The following PARD3 variants were observed in gnomAD, a reference collection of about 807,000 sequenced individuals.
PARD3 encodes the protein par-3 family cell polarity regulator, also known as partitioning defective 3 homolog.
Under a neutral mutation model 155.4 loss-of-function variants are expected in PARD3, and 75 were observed. The observed-to-expected ratio is 0.48, with a 90% CI of 0.40 to 0.58. The LOEUF (loss-of-function observed/expected upper bound fraction) is 0.58. Among genes scored for constraint, PARD3 ranks in the 20% least tolerant of loss-of-function variants. The pLI is 0.00. For missense variants in PARD3, 1,642 were observed against 1,721.7 expected (o/e 0.95, Z 0.82); for synonymous variants, 576 against 610.5 (o/e 0.94, Z 0.83).
intron 1 of PARD3, among the ~76,000 whole-genome samples, chr10:34,736,330 CTTTT>C (rs564413627): frequency 1.6e-5 from 2 of 128,406 alleles, no homozygotes; most frequent in Non-Finnish European, 1.6e-5. Context: ...GCGCCTGGCC[CTTTT>C]TTTTTTTTTT....
rs113757005 is a variant in PARD3 at position 34,695,102 on chromosome 10, G to A, written c.222+1216C>T. 1.7e-3 allele frequency among the ~76,000 whole-genome samples: 255 copies of A among 152,242 alleles called. 1 individual carries two copies. The highest frequency in any genetic ancestry group is 5.7e-3 in the African/African-American group (238 of 41,542). On this transcript the variant is annotated intron_variant, in intron 2 of 24. Transcript: ENST00000374788. ...GTTTTAGGAGACAGTCGACCAGGCC[G>A]CTGCCTCCATACTACCATGCTGATG...
In PARD3 at chr10:34,247,692, A is replaced by G. The variant is rs541921589; in HGVS notation, c.3419+21965T>C. 2.0e-5 allele frequency among the ~76,000 whole-genome samples: 3 copies of G among 152,326 alleles called. No individual in the cohort carries two copies. In the East Asian group the frequency reaches 5.8e-4, roughly 29 times the overall value. On this transcript the variant is annotated intron_variant, in intron 22 of 24. Coordinates refer to ENST00000374788, the MANE Select transcript of PARD3 (RefSeq NM_001184785.2). ...TGGTAACAAGGAGGCTTGGGATGGA[A>G]TGAATACTTAATTCACTGATTAGAT...
At chr10:34,228,236 C>A (rs1003737979) in intron 22 of PARD3, among the ~76,000 whole-genome samples, 1 of 151,706 alleles carries the variant, frequency 6.6e-6, no homozygotes, top group Non-Finnish European at 1.5e-5. Context: ...AAAGAGGGAA[C>A]AATAGACACC....
intron 1 of PARD3, among the ~76,000 whole-genome samples, chr10:34,715,017 C>T (rs2094499148): frequency 6.6e-6 from 1 of 151,882 alleles, no homozygotes; most frequent in Admixed American, 6.6e-5. Flanking sequence ...CATGATACAC[C>T]CACCTCAGCC....
chr10:34,149,725 T>C lies in PARD3; in HGVS notation c.3420-18142A>G, dbSNP rs530073592. Among the ~76,000 whole-genome samples the C allele has an allele frequency of 4.6e-5, 7 of 152,318 alleles. No homozygotes were observed. The South Asian group carries it at 1.4e-3, about 32-fold the overall frequency. On this transcript the variant is annotated intron_variant, in intron 22 of 24. Transcript: ENST00000374788. ...TGCTTATTCTGTTTCACAATTTATC[T>C]ATTACAAGTATGTATATTAAAAATA...
At chr10:34,353,092 G>C (rs1484189862) in intron 14 of PARD3, among the ~76,000 whole-genome samples, 1 of 151,896 alleles carries the variant, frequency 6.6e-6, no homozygotes, top group African/African-American at 2.4e-5. Flanking sequence ...TGGGAAGTGA[G>C]GAGCCCCTCC....
At chr10:34,150,374 A>C (rs1564434397) in intron 22 of PARD3, among the ~76,000 whole-genome samples, 1 of 152,240 alleles carries the variant, frequency 6.6e-6, no homozygotes, top group Non-Finnish European at 1.5e-5. Context: ...AAGTCATGGA[A>C]GTGGATGAAA....
At chr10:34,696,249 C>T (rs1490221387) in intron 2 of PARD3, 69 bp downstream of exon 2, 7 of 801,016 alleles carry the variant, frequency 8.7e-6, no homozygotes, top group African/African-American at 7.2e-5. Context: ...GGAAAAGAAT[C>T]GCACCCGCTC....
intron 3 of PARD3, among the ~76,000 whole-genome samples, chr10:34,475,011 T>C (rs982323282): frequency 1.3e-5 from 2 of 152,046 alleles, no homozygotes; most frequent in African/African-American, 4.8e-5. Context: ...ACATATAAAA[T>C]AGGAAAGCAT....
intron 2 of PARD3, among the ~76,000 whole-genome samples, chr10:34,598,254 A>T (rs2089468104): frequency 6.6e-6 from 1 of 152,134 alleles, no homozygotes. Flanking sequence ...GAGCCTAATA[A>T]ATAACACCTA....
At position 34,111,098 on chromosome 10, in the gene PARD3, C is replaced by T. The variant is rs1946360421; in HGVS notation, c.*71G>A. On this transcript the variant is annotated 3_prime_UTR_variant, in exon 25 of 25. Coordinates refer to ENST00000374788, the MANE Select transcript of PARD3 (RefSeq NM_001184785.2). ...TAGTACCATCGAGGTTTTAAAAAAA[C>T]TCCCAAAATACAAGTCTTCATAGGA... The T allele has an allele frequency of 1.3e-6, 2 of 1,488,614 alleles. No homozygotes were observed. The highest frequency in any genetic ancestry group is 1.4e-5 in the African/African-American group (1 of 71,338). The allele number at this position is 1,488,614 out of a possible 1,614,324, so 92.2% of individuals were successfully genotyped here. A position where few individuals can be genotyped will look rare whatever the true frequency, so the allele number is the denominator to read the frequency against.
At chr10:34,547,891 C>T (rs1426162441) in intron 2 of PARD3, among the ~76,000 whole-genome samples, 3 of 152,156 alleles carry the variant, frequency 2.0e-5, no homozygotes, top group East Asian at 1.9e-4. Context: ...GAAGTGTTAA[C>T]ATAAAAAATT....
chr10:34,114,486 G>A lies in PARD3; in HGVS notation c.3669-2924C>T, dbSNP rs1223687997. ...AGGCTCCCAGGTAGCTGGGATTACAGGAACAAACCACCACACCTGGCTAAT... is the reference window on the plus strand; with the variant it reads ...AGGCTCCCAGGTAGCTGGGATTACAAGAACAAACCACCACACCTGGCTAAT... On this transcript the variant is annotated intron_variant, in intron 24 of 24. Transcript: ENST00000374788. Among the ~76,000 whole-genome samples the A allele has an allele frequency of 2.0e-5, 3 of 152,042 alleles. No homozygotes were observed. In the South Asian group the frequency reaches 6.2e-4, roughly 32 times the overall value.
At chr10:34,245,279 A>T (rs957507380) in intron 22 of PARD3, among the ~76,000 whole-genome samples, 1 of 152,190 alleles carries the variant, frequency 6.6e-6, no homozygotes, top group Non-Finnish European at 1.5e-5. Flanking sequence ...AGGCATACGT[A>T]ACGGGGGTAG....
intron 20 of PARD3, among the ~76,000 whole-genome samples, chr10:34,297,216 T>C (rs929777092): frequency 6.6e-6 from 1 of 152,054 alleles, no homozygotes; most frequent in Non-Finnish European, 1.5e-5. Context: ...GGTGGGAAGA[T>C]TGCTTGAGCC....
chr10:34,140,378 C>T (rs968206174), intron 22 of PARD3, among the ~76,000 whole-genome samples: 4 of 152,202 alleles, frequency 2.6e-5, no homozygotes, highest in Admixed American at 6.5e-5. Context: ...AGCGTTTGCA[C>T]GTTCTCCCAC....
intron 2 of PARD3, among the ~76,000 whole-genome samples, chr10:34,622,827 CTTTTT>C (rs567045063): frequency 1.8e-5 from 2 of 113,456 alleles, no homozygotes; most frequent in Non-Finnish European, 1.9e-5. Flanking sequence ...TTCTTTTTTT[CTTTTT>C]TTTTTTTTTT....
intron 2 of PARD3, among the ~76,000 whole-genome samples, chr10:34,677,305 A>AC (rs889814977): frequency 2.4e-4 from 37 of 151,998 alleles, no homozygotes; most frequent in Admixed American, 7.9e-4. Flanking sequence ...ACATAGTGAG[A>AC]CCCCCACATC....
At chr10:34,780,274 G>T (rs1008329977) in intron 1 of PARD3, among the ~76,000 whole-genome samples, 3 of 152,198 alleles carry the variant, frequency 2.0e-5, no homozygotes, top group Non-Finnish European at 4.4e-5. Context: ...TTACCATAGA[G>T]ATGTGGAGAG....
Sources: allele counts gnomAD v4.1 joint callset (sites outside exome capture counted in the v4.1 genomes callset), GRCh38; gene constraint gnomAD v4.1.1; transcripts MANE v1.5; gene names NCBI Gene and HGNC (gene_info 2026-07-23, HGNC 2026-07-21).